The following PTPRD variants were observed in gnomAD, a reference collection of about 807,000 sequenced individuals.
PTPRD encodes protein tyrosine phosphatase receptor type D.
In PTPRD, 34 loss-of-function variants were observed where a neutral mutation model predicts 214.5. That is an observed-to-expected ratio of 0.16 (90% CI 0.12 to 0.21). PTPRD has a LOEUF of 0.21. PTPRD is among the 10% of genes least tolerant of loss of function. The pLI is 1.00. For synonymous variants in PTPRD, 1,128 were observed against 845.7 expected (o/e 1.33, Z -5.79); for missense variants, 2,545 against 2,398.7 (o/e 1.06, Z -1.27).
intron 3 of PTPRD, among the ~76,000 whole-genome samples, chr9:10,069,077 T>G (rs941791513): frequency 6.6e-6 from 1 of 151,950 alleles, no homozygotes; most frequent in Admixed American, 6.6e-5. Flanking sequence ...TCTGGCAGCT[T>G]GGTTTTATTG....
At chr9:9,241,671 G>A (rs974987902) in intron 9 of PTPRD, among the ~76,000 whole-genome samples, 1 of 151,720 alleles carries the variant, frequency 6.6e-6, no homozygotes, top group Non-Finnish European at 1.5e-5. Flanking sequence ...TGCAACCCCT[G>A]CCTTTTTTTG....
At chr9:9,367,229 T>C (rs1359329150) in intron 9 of PTPRD, among the ~76,000 whole-genome samples, 4 of 151,448 alleles carry the variant, frequency 2.6e-5, no homozygotes, top group Admixed American at 6.6e-5. Flanking sequence ...GAAATCTATA[T>C]AGATTACAGT....
At chr9:10,069,438 T>A (rs775620192) in intron 3 of PTPRD, among the ~76,000 whole-genome samples, 2 of 152,008 alleles carry the variant, frequency 1.3e-5, no homozygotes, top group Non-Finnish European at 2.9e-5. Context: ...GGAGCTGGAT[T>A]TTCTCCTCTA....
At chr9:8,898,524 G>T (rs932962642) in intron 11 of PTPRD, among the ~76,000 whole-genome samples, 1 of 152,098 alleles carries the variant, frequency 6.6e-6, no homozygotes, top group Non-Finnish European at 1.5e-5. Context: ...ATAATAATGA[G>T]TTAATAAAAG....
intron 12 of PTPRD, among the ~76,000 whole-genome samples, chr9:8,690,542 AAAT>A (rs949731292): frequency 6.6e-6 from 1 of 151,848 alleles, no homozygotes; most frequent in African/African-American, 2.4e-5. Context: ...AAAAAAAAAA[AAAT>A]TAGATTTAAT....
chr9:8,654,501 C>G (rs939238279), intron 12 of PTPRD, among the ~76,000 whole-genome samples: 11 of 152,000 alleles, frequency 7.2e-5, no homozygotes, highest in African/African-American at 2.7e-4. Context: ...TGGTTAAAGC[C>G]AAAATACAAG....
chr9:9,183,013 G>A (rs1271448671), intron 10 of PTPRD, among the ~76,000 whole-genome samples: 2 of 151,842 alleles, frequency 1.3e-5, no homozygotes, highest in African/African-American at 2.4e-5. Context: ...AAATTTAACC[G>A]ATTGTTAGAT....
intron 7 of PTPRD, among the ~76,000 whole-genome samples, chr9:9,664,954 T>C (rs1409259461): frequency 6.6e-6 from 1 of 151,730 alleles, no homozygotes; most frequent in Non-Finnish European, 1.5e-5. Context: ...ATAATTTATT[T>C]CATTGAATGA....
intron 4 of PTPRD, among the ~76,000 whole-genome samples, chr9:9,945,295 G>A (rs1039091266): frequency 3.9e-5 from 6 of 152,024 alleles, no homozygotes; most frequent in African/African-American, 1.4e-4. Context: ...GCATAAATTT[G>A]GAAGTTATTA....
intron 4 of PTPRD, among the ~76,000 whole-genome samples, chr9:9,952,538 T>C (rs2093552823): frequency 6.6e-6 from 1 of 152,160 alleles, no homozygotes; most frequent in African/African-American, 2.4e-5. Context: ...TTCTCACTCG[T>C]TCTGACAATC....
intron 10 of PTPRD, among the ~76,000 whole-genome samples, chr9:9,129,225 A>G (rs2099838832): frequency 6.6e-6 from 1 of 152,126 alleles, no homozygotes; most frequent in Admixed American, 6.5e-5. Flanking sequence ...ACCCATCTCT[A>G]CTAAAAATAC....
intron 11 of PTPRD, among the ~76,000 whole-genome samples, chr9:8,811,904 C>G (rs2096814561): frequency 6.6e-6 from 1 of 152,158 alleles, no homozygotes; most frequent in South Asian, 2.1e-4. Flanking sequence ...AAGACATCCA[C>G]TTGGGTGGGG....
intron 9 of PTPRD, among the ~76,000 whole-genome samples, chr9:9,370,541 A>G (rs1011558214): frequency 8.6e-5 from 13 of 151,602 alleles, no homozygotes; most frequent in Non-Finnish European, 1.6e-4. Context: ...TAGATATACA[A>G]TCATGTCATC....
chr9:8,564,961 C>T (rs1043074778), intron 14 of PTPRD, among the ~76,000 whole-genome samples: 8 of 152,142 alleles, frequency 5.3e-5, no homozygotes, highest in South Asian at 2.1e-4. Context: ...AATGTAGCCA[C>T]TGGTTGGATA....
At chr9:9,258,891 T>A (rs969936345) in intron 9 of PTPRD, among the ~76,000 whole-genome samples, 1 of 151,946 alleles carries the variant, frequency 6.6e-6, no homozygotes, top group Non-Finnish European at 1.5e-5. Context: ...TTTAAACGGA[T>A]ATCTAATTTT....
At chr9:9,729,756 A>G (rs181182034) in intron 7 of PTPRD, among the ~76,000 whole-genome samples, 1 of 152,230 alleles carries the variant, frequency 6.6e-6, no homozygotes, top group East Asian at 1.9e-4. Context: ...TGCAACAAAA[A>G]AAAAAATTGT....
intron 9 of PTPRD, among the ~76,000 whole-genome samples, chr9:9,238,446 C>G (rs2099968400): frequency 2.0e-5 from 3 of 152,056 alleles, no homozygotes; most frequent in African/African-American, 7.2e-5. Flanking sequence ...TGGGTTTTAA[C>G]CCTTTGTCTC....
At chr9:8,758,871 G>C (rs1316374423) in intron 11 of PTPRD, among the ~76,000 whole-genome samples, 1 of 151,654 alleles carries the variant, frequency 6.6e-6, no homozygotes, top group African/African-American at 2.4e-5. Flanking sequence ...ATTTTTAATA[G>C]AGACGGGGTT....
chr9:9,745,482 T>G (rs560900303), intron 6 of PTPRD, among the ~76,000 whole-genome samples: 34 of 152,256 alleles, frequency 2.2e-4, no homozygotes, highest in African/African-American at 7.9e-4. Flanking sequence ...CATCACCCTA[T>G]TAAATTTCCC....
Sources: allele counts gnomAD v4.1 joint callset (sites outside exome capture counted in the v4.1 genomes callset), GRCh38; gene constraint gnomAD v4.1.1; transcripts MANE v1.5; gene names NCBI Gene and HGNC (gene_info 2026-07-23, HGNC 2026-07-21).